Variants in DNER observed in about 807,000 individuals in gnomAD.
DNER encodes the protein delta and Notch-like epidermal growth factor-related receptor.
DNER carries 33 observed loss-of-function variants against 78.2 expected under a neutral mutation model. The ratio of observed to expected loss-of-function variants is 0.42; its 90% CI spans 0.32 to 0.56. The LOEUF is 0.56. DNER is among the 20% of genes least tolerant of loss of function. The pLI is 0.11. For synonymous variants in DNER, 417 were observed against 384.8 expected, an observed-to-expected ratio of 1.08 and a Z score of -0.98; for missense variants, 918 against 975.3, an observed-to-expected ratio of 0.94 and a Z score of 0.78.
At chr2:229,623,222 G>A (rs72991691) in intron 1 of DNER, among the ~76,000 whole-genome samples, 3,245 of 152,204 alleles carry the variant, frequency 0.021, 45 homozygotes, top group Middle Eastern at 0.034. Context: ...CGCTTTCGAT[G>A]AAGTCTCTCC....
At chr2:229,611,142 C>T (rs1698037542) in intron 1 of DNER, among the ~76,000 whole-genome samples, 1 of 152,218 alleles carries the variant, frequency 6.6e-6, no homozygotes, top group Non-Finnish European at 1.5e-5. Flanking sequence ...GCCCCACAGG[C>T]ACATAGTCCC....
chr2:229,537,400 C>A (rs1696427082), intron 5 of DNER, among the ~76,000 whole-genome samples: 1 of 152,148 alleles, frequency 6.6e-6, no homozygotes, highest in Non-Finnish European at 1.5e-5. Context: ...TGTTGCTCAG[C>A]AGTAGGAACC....
At chr2:229,583,223 C>T (rs1485791390) in intron 4 of DNER, among the ~76,000 whole-genome samples, 8 of 152,160 alleles carry the variant, frequency 5.3e-5, no homozygotes, top group Non-Finnish European at 7.4e-5. Flanking sequence ...GCAGTGAGGT[C>T]ATATCCCAAT....
At chr2:229,647,033 G>A (rs1161776759) in intron 1 of DNER, among the ~76,000 whole-genome samples, 1 of 152,180 alleles carries the variant, frequency 6.6e-6, no homozygotes, top group African/African-American at 2.4e-5. Context: ...TGGGCATGGT[G>A]GCACACGCCC....
intron 10 of DNER, among the ~76,000 whole-genome samples, chr2:229,393,796 G>A (rs1035410745): frequency 7.2e-5 from 11 of 151,966 alleles, no homozygotes; most frequent in South Asian, 2.1e-4. Context: ...GCAGTGAGCC[G>A]GGTTCATGCC....
chr2:229,393,402 G>T (rs564685792), intron 10 of DNER, among the ~76,000 whole-genome samples: 1 of 151,578 alleles, frequency 6.6e-6, no homozygotes, highest in African/African-American at 2.4e-5. Flanking sequence ...CTCCAGCCTG[G>T]GTGACAGAGT....
At chr2:229,595,239 C>G (rs1238533522) in intron 1 of DNER, among the ~76,000 whole-genome samples, 3 of 151,890 alleles carry the variant, frequency 2.0e-5, no homozygotes, top group Non-Finnish European at 4.4e-5. Context: ...CAGTGTTACA[C>G]AAATGACTGA....
At chr2:229,444,120 C>T (rs1267974421) in intron 8 of DNER, among the ~76,000 whole-genome samples, 2 of 152,158 alleles carry the variant, frequency 1.3e-5, no homozygotes, top group Non-Finnish European at 2.9e-5. Flanking sequence ...GGACCACAGA[C>T]AATTATCAAG....
At position 229,482,469 on chromosome 2, in the gene DNER, G is replaced by A. The variant is rs370297455; in HGVS notation, c.1148-5216C>T. Among the ~76,000 whole-genome samples the A allele has an allele frequency of 5.3e-5, 8 of 152,308 alleles. No homozygotes were observed. The South Asian group carries it at 1.7e-3, about 32-fold the overall frequency. Reference sequence around the variant, plus strand: ...ACCCAGGGGCTAAAAGATACCGCACGGTGTGGCCCCTGCACCCTCATCTTG... The same window carrying A: ...ACCCAGGGGCTAAAAGATACCGCACAGTGTGGCCCCTGCACCCTCATCTTG... On this transcript the variant is annotated intron_variant, in intron 6 of 12. Transcript: ENST00000341772.
At position 229,357,915 on chromosome 2, in the gene DNER, G is replaced by GT. The variant is rs1342276471; in HGVS notation, c.*624dup. 4 of 152,546 alleles carry GT rather than the reference G, an allele frequency of 2.6e-5. No individual in the cohort carries two copies. Among genetic ancestry groups the GT allele is most frequent in the African/African-American group, 9.7e-5 (4 of 41,408 alleles). The allele number at this position is 152,546 out of a possible 1,614,324, so 9.4% of individuals were successfully genotyped here. ...TTGCCTCGCTAGGCCTTTTCGTTAC[G>GT]TATGTTTTTGAGGCCTAGTTCGACG... On this transcript the variant is annotated 3_prime_UTR_variant, in exon 13 of 13. Transcript: ENST00000341772.
intron 6 of DNER, among the ~76,000 whole-genome samples, chr2:229,510,781 C>T (rs1352366330): frequency 6.6e-6 from 1 of 152,052 alleles, no homozygotes; most frequent in Non-Finnish European, 1.5e-5. Flanking sequence ...GGGAGCCTCA[C>T]CTGGAGATAA....
chr2:229,647,936 T>C (rs952072111), intron 1 of DNER, among the ~76,000 whole-genome samples: 1 of 152,224 alleles, frequency 6.6e-6, no homozygotes, highest in African/African-American at 2.4e-5. Context: ...TGACTTACTT[T>C]CTTTTTATTT....
At chr2:229,707,094 A>C (rs1278498767) in intron 1 of DNER, among the ~76,000 whole-genome samples, 1 of 151,204 alleles carries the variant, frequency 6.6e-6, no homozygotes. Context: ...GCTCACTGCA[A>C]CCTCTGCCTT....
intron 1 of DNER, among the ~76,000 whole-genome samples, chr2:229,599,025 G>A (rs1459193012): frequency 6.6e-6 from 1 of 152,116 alleles, no homozygotes; most frequent in Admixed American, 6.6e-5. Flanking sequence ...AGGCATCCAG[G>A]GGGAATGGGA....
intron 6 of DNER, among the ~76,000 whole-genome samples, chr2:229,501,634 GACA>G (rs796621292): frequency 3.4e-4 from 52 of 152,242 alleles, no homozygotes; most frequent in African/African-American, 9.9e-4. Context: ...GTTCTCTGGT[GACA>G]ACAACACAGT....
chr2:229,494,546 C>T (rs1306250621), intron 6 of DNER, among the ~76,000 whole-genome samples: 2 of 152,208 alleles, frequency 1.3e-5, no homozygotes, highest in South Asian at 2.1e-4. Context: ...CCTCCAGGCC[C>T]CTGGTGTGGC....
intron 8 of DNER, among the ~76,000 whole-genome samples, chr2:229,445,335 G>A (rs570473354): frequency 1.3e-5 from 2 of 152,270 alleles, no homozygotes; most frequent in Non-Finnish European, 2.9e-5. Context: ...GGCTCTGAAG[G>A]AGAGCATGGA....
At chr2:229,395,267 G>A (rs1693110423) in intron 10 of DNER, among the ~76,000 whole-genome samples, 1 of 152,198 alleles carries the variant, frequency 6.6e-6, no homozygotes, top group African/African-American at 2.4e-5. Flanking sequence ...ACTACAAGGG[G>A]ATACTCATTT....
intron 9 of DNER, among the ~76,000 whole-genome samples, chr2:229,411,858 CAAT>C (rs1693529518): frequency 6.6e-6 from 1 of 151,870 alleles, no homozygotes; most frequent in African/African-American, 2.4e-5. Flanking sequence ...TAGGTATACT[CAAT>C]TATTGAACAG....
Sources: gnomAD v4.1 joint callset for allele counts (sites outside exome capture counted in the v4.1 genomes callset) on GRCh38, gnomAD v4.1.1 for gene constraint, MANE v1.5 for transcripts, NCBI Gene and HGNC (gene_info 2026-07-23, HGNC 2026-07-21) for gene names.